DNAAF9: variants seen among roughly 807,000 people sequenced by gnomAD.
DNAAF9 encodes dynein axonemal assembly factor 9.
A neutral mutation model predicts 167.0 loss-of-function variants in DNAAF9; 90 were observed. The ratio of observed to expected loss-of-function variants is 0.54; its 90% CI spans 0.45 to 0.64. The LOEUF (loss-of-function observed/expected upper bound fraction) is 0.64, where lower values mean the gene tolerates loss of function less well. Ranked by LOEUF, DNAAF9 falls within the 30% of genes least tolerant of loss-of-function variation. DNAAF9 has a pLI of 0.00. For missense variants in DNAAF9, 1,315 were observed against 1,442.2 expected, an observed-to-expected ratio of 0.91 and a Z score of 1.43; for synonymous variants, 491 against 508.8, an observed-to-expected ratio of 0.96 and a Z score of 0.47.
At chr20:3,350,812 G>A (rs181152280) in intron 7 of DNAAF9, among the ~76,000 whole-genome samples, 43 of 152,208 alleles carry the variant, frequency 2.8e-4, no homozygotes, top group African/African-American at 5.3e-4. Flanking sequence ...AAATTTGAGC[G>A]TCACTGAAGA....
At chr20:3,398,285 T>C (rs948123513) in intron 1 of DNAAF9, among the ~76,000 whole-genome samples, 2 of 152,202 alleles carry the variant, frequency 1.3e-5, no homozygotes, top group African/African-American at 4.8e-5. Context: ...TAGCAGAGTC[T>C]TGGCTCCAGT....
At chr20:3,398,289 C>T (rs1045138756) in intron 1 of DNAAF9, among the ~76,000 whole-genome samples, 16 of 152,204 alleles carry the variant, frequency 1.1e-4, no homozygotes, top group Admixed American at 6.5e-5. Context: ...AGAGTCTTGG[C>T]TCCAGTCCCT....
At chr20:3,327,535 C>T (rs2069733462) in intron 12 of DNAAF9, among the ~76,000 whole-genome samples, 1 of 152,048 alleles carries the variant, frequency 6.6e-6, no homozygotes, top group Non-Finnish European at 1.5e-5. Flanking sequence ...GACAAGGTCT[C>T]ACCTAAAAAT....
chr20:3,336,890 T>TC (rs2069965635), intron 10 of DNAAF9, among the ~76,000 whole-genome samples: 1 of 150,548 alleles, frequency 6.6e-6, no homozygotes, highest in African/African-American at 2.4e-5. Context: ...TTCTTTTTTT[T>TC]TTTTTTTTGA....
At chr20:3,307,226 A>G in intron 20 of DNAAF9, 1 of 866,510 alleles carries the variant, frequency 1.2e-6, no homozygotes, top group East Asian at 1.2e-4. Flanking sequence ...CAAATTCACA[A>G]GACAGTGCTG....
At chr20:3,371,673 T>C (rs1445791838) in intron 6 of DNAAF9, among the ~76,000 whole-genome samples, 1 of 152,162 alleles carries the variant, frequency 6.6e-6, no homozygotes, top group African/African-American at 2.4e-5. Context: ...TGCTGATCTA[T>C]CCCTGCATCT....
chr20:3,284,733 A>C (rs963420638), intron 27 of DNAAF9, among the ~76,000 whole-genome samples: 9 of 152,188 alleles, frequency 5.9e-5, no homozygotes, highest in Admixed American at 5.9e-4. Flanking sequence ...CATTAATTTC[A>C]AATTTTGTTT....
intron 8 of DNAAF9, among the ~76,000 whole-genome samples, chr20:3,347,835 T>C (rs1357391497): frequency 6.6e-6 from 1 of 151,966 alleles, no homozygotes; most frequent in Non-Finnish European, 1.5e-5. Context: ...GGCAGGAGAA[T>C]TGCTTGAACC....
intron 2 of DNAAF9, 126 bp downstream of exon 2, chr20:3,382,301 G>C: frequency 1.4e-6 from 1 of 724,972 alleles, no homozygotes; most frequent in South Asian, 1.7e-5. Context: ...AATTTCGGGG[G>C]AACAAGAACT....
intron 26 of DNAAF9, among the ~76,000 whole-genome samples, chr20:3,288,681 T>C (rs1211582454): frequency 4.3e-5 from 6 of 139,166 alleles, no homozygotes; most frequent in African/African-American, 1.8e-4. Context: ...CAGGATGCCT[T>C]ACCTTGGGGT....
intron 10 of DNAAF9, among the ~76,000 whole-genome samples, chr20:3,332,876 A>G (rs1271184401): frequency 6.3e-5 from 9 of 142,470 alleles, no homozygotes; most frequent in African/African-American, 1.1e-4. Flanking sequence ...GCGTGCGTGC[A>G]TGCGTGTGTG....
rs200058609 is a variant in DNAAF9, at chr20:3,326,240, A to C, written c.1145T>G (p.Leu382Trp). 6.2e-7 allele frequency: 1 copy of C among 1,613,714 alleles called. No individual in the cohort carries two copies. The highest frequency in any genetic ancestry group is 1.1e-5 in the South Asian group (1 of 91,066). ...QIYAAVIEAV[L>W]AGIACYAKTS... ...TTTAGCATAACATGCAATGCCAGCCAAAACAGCCTCAATAACAGCAGCATA... is the reference window on the plus strand; with the variant it reads ...TTTAGCATAACATGCAATGCCAGCCCAAACAGCCTCAATAACAGCAGCATA... Residue 382 changes from leucine (L) to tryptophan (W), a missense_variant, in exon 13 of 37, where the codon TTG becomes TGG. Transcript: ENST00000252032.
chr20:3,368,437 G>C (rs192867938), intron 6 of DNAAF9, among the ~76,000 whole-genome samples: 201 of 151,738 alleles, frequency 1.3e-3, no homozygotes, highest in African/African-American at 4.4e-3. Flanking sequence ...GTTGTTTTGT[G>C]GTGGGTGACT....
intron 21 of DNAAF9, 149 bp from the exon 22 acceptor site, chr20:3,298,324 T>G (rs993758151): frequency 2.4e-5 from 16 of 668,636 alleles, no homozygotes; most frequent in Middle Eastern, 5.2e-4. Flanking sequence ...GTGCTTTACT[T>G]ATAGGAGATA....
At chr20:3,380,564 A>C (rs1395995146) in intron 3 of DNAAF9, among the ~76,000 whole-genome samples, 1 of 152,182 alleles carries the variant, frequency 6.6e-6, no homozygotes, top group Non-Finnish European at 1.5e-5. Context: ...GACAATCAAA[A>C]ATGTCTTCAG....
At chr20:3,374,286 CA>C (rs1379794764) in intron 5 of DNAAF9, 132 bp from the exon 6 acceptor site, 4 of 493,692 alleles carry the variant, frequency 8.1e-6, no homozygotes, top group Non-Finnish European at 1.4e-5. Context: ...AAATAAAATA[CA>C]AACAGATAAA....
chr20:3,310,657 C>T (rs917994489), intron 20 of DNAAF9, among the ~76,000 whole-genome samples: 9 of 151,584 alleles, frequency 5.9e-5, no homozygotes, highest in African/African-American at 2.2e-4. Flanking sequence ...TGCACTCCAG[C>T]CTGGACAACA....
At chr20:3,392,717 T>C (rs535494699) in intron 1 of DNAAF9, among the ~76,000 whole-genome samples, 1 of 152,344 alleles carries the variant, frequency 6.6e-6, no homozygotes, top group African/African-American at 2.4e-5. Flanking sequence ...TTATATTTCA[T>C]TATCTTGCTT....
rs184591013 is a variant in DNAAF9 at position 3,356,611 on chromosome 20, T to A, written c.690+2905A>T. 3.8e-4 allele frequency among the ~76,000 whole-genome samples: 58 copies of A among 152,320 alleles called. No individual in the cohort carries two copies. In the East Asian group the frequency reaches 0.01, roughly 27 times the overall value. On this transcript the variant is annotated intron_variant, in intron 7 of 36. Transcript: ENST00000252032. Reference sequence around the variant, plus strand: ...TCTGCTTTTTCCCTTTTTTTTCTTGTTAGATTAGTTTATTAGTGAGGTTAT... The same window carrying A: ...TCTGCTTTTTCCCTTTTTTTTCTTGATAGATTAGTTTATTAGTGAGGTTAT...
Sources: allele counts gnomAD v4.1 joint callset (sites outside exome capture counted in the v4.1 genomes callset), GRCh38; gene constraint gnomAD v4.1.1; transcripts MANE v1.5; gene names NCBI Gene and HGNC (gene_info 2026-07-23, HGNC 2026-07-21).